Variants in CAGE1 observed in about 807,000 individuals in gnomAD.
CAGE1 encodes cancer-associated gene 1 protein.
Under a neutral mutation model 94.9 loss-of-function variants are expected in CAGE1, and 66 were observed. The ratio of observed to expected loss-of-function variants is 0.70; its 90% confidence interval spans 0.57 to 0.85. The LOEUF (loss-of-function observed/expected upper bound fraction) is 0.85. CAGE1 is among the 40% of genes least tolerant of loss of function. The pLI is 0.00. For missense variants in CAGE1, 865 were observed against 950.4 expected, an observed-to-expected ratio of 0.91 and a Z score of 1.18; for synonymous variants, 319 against 321.0, an observed-to-expected ratio of 0.99 and a Z score of 0.07.
intron 9 of CAGE1, among the ~76,000 whole-genome samples, chr6:7,365,257 A>G (rs984974444): frequency 1.3e-5 from 2 of 152,214 alleles, no homozygotes; most frequent in African/African-American, 2.4e-5. Flanking sequence ...ATTAATCTTA[A>G]CAGAAACGAG....
At chr6:7,328,586 G>C (rs933129215) in intron 13 of CAGE1, among the ~76,000 whole-genome samples, 1 of 152,132 alleles carries the variant, frequency 6.6e-6, no homozygotes, top group Non-Finnish European at 1.5e-5. Context: ...TAGAACCATG[G>C]TTAGTAGAGG....
At chr6:7,341,898 G>C (rs1759191960) in intron 11 of CAGE1, 1 of 693,780 alleles carries the variant, frequency 1.4e-6, no homozygotes, top group Non-Finnish European at 2.7e-6. Flanking sequence ...TCCAATCAGG[G>C]TACTGCAGCA....
Position 7,378,603 on chromosome 6 carries a change from T to G in CAGE1, c.687+14A>C. Reference sequence around the variant, plus strand: ...TTTATCAAATGGTTTTACAATATTATTGTGTACACTTTCCTTACATAAGAA... The same window carrying G: ...TTTATCAAATGGTTTTACAATATTAGTGTGTACACTTTCCTTACATAAGAA... On this transcript the variant is annotated intron_variant, in intron 4 of 13. Coordinates refer to ENST00000502583, the MANE Select transcript of CAGE1 (RefSeq NM_001170692.2). 6.4e-7 allele frequency: 1 copy of G among 1,551,928 alleles called. No individual in the cohort carries two copies. The highest frequency in any genetic ancestry group is 8.7e-7 in the Non-Finnish European group (1 of 1,155,738).
Position 7,339,470 on chromosome 6 carries a change from G to T in CAGE1, c.2370-5380C>A. 1 of 942,178 alleles carries T rather than the reference G, an allele frequency of 1.1e-6. No individual in the cohort carries two copies. The highest frequency in any genetic ancestry group is 1.8e-6 in the Non-Finnish European group (1 of 567,270). 58.4% of individuals were successfully genotyped at this position (942,178 alleles called of 1,614,324 possible). ...TAACTCGCATCTCAACTCCAGAGTA[G>T]CCATCTTCAGCCAGCTCCTGAGTAA... On this transcript the variant is annotated intron_variant, in intron 11 of 13. Coordinates refer to ENST00000502583, the MANE Select transcript of CAGE1 (RefSeq NM_001170692.2). The surrounding 1 kb of genome is among the most constrained non-coding windows in gnomAD (Gnocchi z 4.7).
chr6:7,350,101 G>A (rs143437829), intron 11 of CAGE1, among the ~76,000 whole-genome samples: 7,492 of 152,128 alleles, frequency 0.049, 304 homozygotes, highest in African/African-American at 0.11. Context: ...AGCGAGCAGG[G>A]GTAGCTATTC....
chr6:7,358,027 G>GAGATATAT (rs1314868882), intron 9 of CAGE1, among the ~76,000 whole-genome samples: 2 of 48,086 alleles, frequency 4.2e-5, no homozygotes, highest in Non-Finnish European at 8.6e-5. Flanking sequence ...TAAGTTTTGA[G>GAGATATAT]ATATATATAT....
intron 5 of CAGE1, among the ~76,000 whole-genome samples, chr6:7,371,155 C>T (rs1046573043): frequency 6.6e-6 from 1 of 151,404 alleles, no homozygotes; most frequent in African/African-American, 2.5e-5. Flanking sequence ...GCAGCATCAA[C>T]AACTGGGATC....
At chr6:7,357,090 G>A (rs140239815) in intron 9 of CAGE1, among the ~76,000 whole-genome samples, 237 of 152,202 alleles carry the variant, frequency 1.6e-3, no homozygotes, top group Non-Finnish European at 3.0e-3. Flanking sequence ...GAGCCACCGC[G>A]CCCAGCCTAA....
chr6:7,335,456 A>G (rs968638478), intron 11 of CAGE1, among the ~76,000 whole-genome samples: 1 of 152,272 alleles, frequency 6.6e-6, no homozygotes, highest in African/African-American at 2.4e-5. Context: ...ATGGTGATTC[A>G]GACAAACCAA....
chr6:7,341,033 G>C (rs1759152482), intron 11 of CAGE1: 1 of 470,434 alleles, frequency 2.1e-6, no homozygotes, highest in South Asian at 1.8e-5. Flanking sequence ...CAGGGATCCA[G>C]GTACTTTTTC....
intron 13 of CAGE1, among the ~76,000 whole-genome samples, 175 bp downstream of exon 13, chr6:7,329,674 C>T (rs1216951526): frequency 6.6e-6 from 1 of 151,962 alleles, no homozygotes; most frequent in Non-Finnish European, 1.5e-5. Flanking sequence ...GGAGGGGTTT[C>T]CAATTATAGC....
chr6:7,333,990 A>G lies in CAGE1; in HGVS notation c.2438+32T>C, dbSNP rs1287007230. 6 of 1,359,342 alleles carry G rather than the reference A, an allele frequency of 4.4e-6. No homozygotes were observed. The East Asian group carries it at 1.3e-4, about 28-fold the overall frequency. 84.2% of individuals were successfully genotyped at this position (1,359,342 alleles called of 1,614,324 possible). On this transcript the variant is annotated intron_variant, in intron 12 of 13. Transcript: ENST00000502583. ...GCCATATTACCTATATTTTAAAGAC[A>G]TTATTAATTTTAAAAATAAAGGGAA...
chr6:7,377,598 G>A (rs1241388569), intron 4 of CAGE1, among the ~76,000 whole-genome samples: 2 of 152,108 alleles, frequency 1.3e-5, no homozygotes, highest in African/African-American at 4.8e-5. Flanking sequence ...TTAGCCAGGT[G>A]TGGTGGCACA....
intron 4 of CAGE1, 94 bp downstream of exon 4, chr6:7,378,523 G>T: frequency 1.8e-6 from 2 of 1,095,878 alleles, no homozygotes; most frequent in Admixed American, 2.6e-5. Flanking sequence ...CATCACAATC[G>T]TACCTCCTCT....
chr6:7,389,451 G>T lies in CAGE1; in HGVS notation c.-273C>A. On this transcript the variant is annotated 5_prime_UTR_variant, in exon 1 of 14. Coordinates refer to ENST00000502583, the MANE Select transcript of CAGE1 (RefSeq NM_001170692.2). ...GAACGCCCCTGTGTGACGTCCGCCC[G>T]CGCCGGGGGAACTCCGCAGAGACAG... is the stretch of plus-strand genomic sequence containing the variant. 1 of 407,626 alleles carries T rather than the reference G, an allele frequency of 2.5e-6. No homozygotes were observed. 25.3% of individuals were successfully genotyped at this position (407,626 alleles called of 1,614,324 possible).
At chr6:7,355,978 C>T in intron 10 of CAGE1, 47 bp downstream of exon 10, 1 of 1,101,550 alleles carries the variant, frequency 9.1e-7, no homozygotes. Context: ...GCCTGGGTGA[C>T]AGAGTGAGAT....
intron 3 of CAGE1, among the ~76,000 whole-genome samples, chr6:7,379,842 C>T (rs963582914): frequency 3.2e-4 from 49 of 152,122 alleles, no homozygotes; most frequent in Non-Finnish European, 2.9e-4. Context: ...TACTTTTTTT[C>T]ACAGTACCTC....
rs780325334 is a variant in CAGE1 at position 7,387,076 on chromosome 6, G to A, written c.98C>T (p.Ser33Leu). ...SHEKVESMSE[S>L]DTMNVSNLSQ... is the part of the protein sequence containing the mutation. ...AAGATTGCTGACATTCATGGTATCC[G>A]ATTCTGACATGCTTTCTACTTTTTC... Residue 33 changes from serine (S) to leucine (L), a missense_variant, in exon 2 of 14, where the codon TCG becomes TTG. Coordinates refer to ENST00000502583, the MANE Select transcript of CAGE1 (RefSeq NM_001170692.2). 5.8e-6 allele frequency: 9 copies of A among 1,551,412 alleles called. No individual in the cohort carries two copies. Among genetic ancestry groups the A allele is most frequent in the East Asian group, 2.4e-5 (1 of 40,914 alleles).
chr6:7,326,842 T>G lies in CAGE1; in HGVS notation c.*16A>C. 1 of 1,546,056 alleles carries G rather than the reference T, an allele frequency of 6.5e-7. No homozygotes were observed. The highest frequency in any genetic ancestry group is 2.2e-5 in the East Asian group (1 of 44,502). ...GTGGTTGACAAAAATGATTACTGTT[T>G]AATCTTCAGGCTTGTTTAATCTAAA... On this transcript the variant is annotated 3_prime_UTR_variant, in exon 14 of 14. Transcript: ENST00000502583.
Sources: allele counts gnomAD v4.1 joint callset (sites outside exome capture counted in the v4.1 genomes callset), GRCh38; gene constraint gnomAD v4.1.1; non-coding constraint Gnocchi (gnomAD v3.1); transcripts MANE v1.5; gene names NCBI Gene and HGNC (gene_info 2026-07-23, HGNC 2026-07-21).